Variants in EHHADH observed in about 807,000 individuals in gnomAD.
EHHADH encodes the protein enoyl-CoA hydratase and 3-hydroxyacyl CoA dehydrogenase.
Under a neutral mutation model 64.4 loss-of-function variants are expected in EHHADH, and 48 were observed. The ratio of observed to expected loss-of-function variants is 0.75; its 90% CI spans 0.59 to 0.95. The LOEUF is 0.95. Among genes scored for constraint, EHHADH ranks in the 40% least tolerant of loss-of-function variants. EHHADH has a pLI of 0.00. For synonymous variants in EHHADH, 308 were observed against 326.7 expected (o/e 0.94, Z 0.62); for missense variants, 854 against 876.6 (o/e 0.97, Z 0.33).
At chr3:185,245,862 C>A in intron 2 of EHHADH, 1 of 1,012,944 alleles carries the variant, frequency 9.9e-7, no homozygotes, top group Non-Finnish European at 1.6e-6. Context: ...TTCTCCCCAG[C>A]AACCATATCT....
At chr3:185,227,525 T>G (rs1719011926) in intron 4 of EHHADH, among the ~76,000 whole-genome samples, 1 of 146,130 alleles carries the variant, frequency 6.8e-6, no homozygotes, top group Admixed American at 7.0e-5. Context: ...AGAGTGAAAC[T>G]CGGTCTCAAA....
At chr3:185,231,988 A>G (rs1015504598) in intron 3 of EHHADH, among the ~76,000 whole-genome samples, 26 of 151,948 alleles carry the variant, frequency 1.7e-4, no homozygotes, top group Non-Finnish European at 3.2e-4. Flanking sequence ...TTTTAAAGTC[A>G]GACAGTAATC....
chr3:185,244,546 A>C (rs1396933487), intron 2 of EHHADH, among the ~76,000 whole-genome samples: 3 of 152,158 alleles, frequency 2.0e-5, no homozygotes, highest in Admixed American at 6.6e-5. Context: ...ACTGAGTTGA[A>C]TAGTGTTTAC....
chr3:185,239,097 T>C (rs1409394221), intron 2 of EHHADH, among the ~76,000 whole-genome samples: 1 of 152,124 alleles, frequency 6.6e-6, no homozygotes, highest in Non-Finnish European at 1.5e-5. Flanking sequence ...TTGGTGTAGG[T>C]ATGCGGTTTT....
chr3:185,248,597 T>C (rs755457702), intron 1 of EHHADH, 80 bp from the exon 2 acceptor site: 27 of 1,076,758 alleles, frequency 2.5e-5, no homozygotes, highest in African/African-American at 4.7e-5. Context: ...TTCCTAAAAA[T>C]GAAAAATTAA....
At chr3:185,225,641 AG>A (rs910189248) in intron 4 of EHHADH, among the ~76,000 whole-genome samples, 1 of 152,144 alleles carries the variant, frequency 6.6e-6, no homozygotes, top group Non-Finnish European at 1.5e-5. Context: ...CTCATTCACA[AG>A]AAAAGCCAAA....
intron 5 of EHHADH, among the ~76,000 whole-genome samples, chr3:185,206,350 A>G (rs1718391340): frequency 6.6e-6 from 1 of 152,176 alleles, no homozygotes; most frequent in Non-Finnish European, 1.5e-5. Flanking sequence ...AACAGATCAC[A>G]AATCTAAATT....
chr3:185,220,102 C>CCAAAATGGGACA (rs1718794812), intron 4 of EHHADH, among the ~76,000 whole-genome samples: 1 of 152,040 alleles, frequency 6.6e-6, no homozygotes, highest in African/African-American at 2.4e-5. Flanking sequence ...ACATGGAAAC[C>CCAAAATGGGACA]TGGATATTAT....
In EHHADH at chr3:185,204,474, G is replaced by A. The variant is rs1187116909; in HGVS notation, c.852C>T (p.Pro284=). The A allele has an allele frequency of 5.6e-6, 9 of 1,613,896 alleles. No individual in the cohort carries two copies. The Admixed American group carries it at 6.7e-5, about 12-fold the overall frequency. The change falls in exon 6 of 7, where the codon CCC becomes CCT. Residue 284 remains proline (P), a synonymous_variant. Transcript: ENST00000231887. ...AERKANKWST[P]SGASWKTASA... ...ATGCTGTTTTCCACGATGCTCCGGA[G>A]GGAGTTGACCACTTATTTGCTTTCC...
intron 2 of EHHADH, among the ~76,000 whole-genome samples, chr3:185,243,626 T>A (rs1426987223): frequency 6.6e-6 from 1 of 152,220 alleles, no homozygotes. Context: ...TTAGTTCCCA[T>A]GTATTTGTAG....
Position 185,192,533 on chromosome 3 carries a change from C to T in EHHADH, c.1865G>A (p.Arg622His), listed in dbSNP as rs115181280. 6.5e-5 allele frequency: 105 copies of T among 1,614,162 alleles called. No homozygotes were observed. Among genetic ancestry groups the T allele is most frequent in the African/African-American group, 2.0e-4 (15 of 75,036 alleles). The stretch of plus-strand genomic sequence containing the variant: ...TTCATTGATAAGTGAATATAAGCAG[C>T]GTTCAAGGATCTCATCCTGGCTAAT... ...RTISQDEILE[R>H]CLYSLINEAF... is the part of the protein sequence containing the mutation. The change falls in exon 7 of 7, where the codon CGC becomes CAC. Residue 622 changes from arginine (R) to histidine (H), a missense_variant. Transcript: ENST00000231887.
intron 2 of EHHADH, among the ~76,000 whole-genome samples, chr3:185,238,415 A>T (rs1045966816): frequency 2.0e-5 from 3 of 152,098 alleles, no homozygotes; most frequent in Admixed American, 2.0e-4. Context: ...ATCCTTGCCA[A>T]CATATTGTTG....
At chr3:185,247,437 G>A in intron 2 of EHHADH, among the ~76,000 whole-genome samples, 1 of 151,990 alleles carries the variant, frequency 6.6e-6, no homozygotes, top group South Asian at 2.1e-4. Flanking sequence ...GTTAAGGTTT[G>A]GGACATTATA....
chr3:185,202,423 T>C (rs755855519), intron 6 of EHHADH, among the ~76,000 whole-genome samples: 5 of 151,848 alleles, frequency 3.3e-5, no homozygotes, highest in Non-Finnish European at 7.4e-5. Flanking sequence ...GTATTTATAT[T>C]AGAGACAGAT....
At chr3:185,228,390 C>T (rs1292548889) in intron 4 of EHHADH, among the ~76,000 whole-genome samples, 4 of 150,452 alleles carry the variant, frequency 2.7e-5, no homozygotes, top group Admixed American at 2.0e-4. Context: ...TATAAAGCAC[C>T]GGGCTGGCCG....
At chr3:185,227,913 G>A (rs1719031290) in intron 4 of EHHADH, among the ~76,000 whole-genome samples, 1 of 151,910 alleles carries the variant, frequency 6.6e-6, no homozygotes, top group South Asian at 2.1e-4. Context: ...TAAGGACATT[G>A]TACGCAGTAA....
chr3:185,195,468 T>C (rs1718033060), intron 6 of EHHADH, among the ~76,000 whole-genome samples: 1 of 152,214 alleles, frequency 6.6e-6, no homozygotes, highest in East Asian at 1.9e-4. Context: ...ATGTTAAACA[T>C]GGAGTTACTT....
chr3:185,210,120 G>T (rs1419602976), intron 5 of EHHADH, among the ~76,000 whole-genome samples: 1 of 152,128 alleles, frequency 6.6e-6, no homozygotes, highest in Admixed American at 6.6e-5. Flanking sequence ...CTGGGCTGCC[G>T]GTGCAATCTA....
intron 5 of EHHADH, among the ~76,000 whole-genome samples, chr3:185,208,195 T>C (rs1288230055): frequency 2.6e-5 from 4 of 152,196 alleles, no homozygotes; most frequent in Non-Finnish European, 5.9e-5. Context: ...GGCAAAGAAC[T>C]GAGGGAGGCT....
Sources: gnomAD v4.1 joint callset for allele counts (sites outside exome capture counted in the v4.1 genomes callset) on GRCh38, gnomAD v4.1.1 for gene constraint, MANE v1.5 for transcripts, NCBI Gene and HGNC (gene_info 2026-07-23, HGNC 2026-07-21) for gene names.